TSKS: variants seen among roughly 807,000 people sequenced by gnomAD.
The protein encoded by TSKS is testis-specific serine kinase substrate.
TSKS carries 27 observed loss-of-function variants against 68.0 expected under a neutral mutation model. The observed-to-expected ratio is 0.40, with a 90% CI of 0.29 to 0.55. The LOEUF is 0.55. TSKS is among the 20% of genes least tolerant of loss of function. The probability of loss-of-function intolerance (pLI) is 0.53; values close to 1 mark genes in which losing one functional copy is unlikely to be tolerated. For missense variants in TSKS, 806 were observed against 776.0 expected, an observed-to-expected ratio of 1.04 and a Z score of -0.46; for synonymous variants, 331 against 340.4, an observed-to-expected ratio of 0.97 and a Z score of 0.30.
At chr19:49,742,121 A>C (rs2084257597) in intron 8 of TSKS, 101 bp from the exon 9 acceptor site, 6 of 1,383,726 alleles carry the variant, frequency 4.3e-6, no homozygotes, top group Non-Finnish European at 5.9e-6. Flanking sequence ...CCTCGTTTCC[A>C]GTATGCACCC....
Position 49,758,409 on chromosome 19 carries a change from G to A in TSKS, c.399+3595C>T, listed in dbSNP as rs545712538. On this transcript the variant is annotated intron_variant, in intron 2 of 10. Coordinates refer to ENST00000246801, the MANE Select transcript of TSKS (RefSeq NM_021733.2). ...CGACACTCCCCTGCAGCCCCACAGC[G>A]AGCTGGCAGCTGTGTCAGACCTTGA... Among the ~76,000 whole-genome samples the A allele has an allele frequency of 1.1e-4, 16 of 152,306 alleles. 1 individual carries two copies. In the South Asian group the frequency reaches 3.1e-3, roughly 30 times the overall value.
Position 49,740,128 on chromosome 19 carries a change from G to A in TSKS, c.1553C>T (p.Thr518Ile). The A allele has an allele frequency of 6.2e-7, 1 of 1,614,164 alleles. No individual in the cohort carries two copies. The highest frequency in any genetic ancestry group is 8.5e-7 in the Non-Finnish European group (1 of 1,180,032). ...GGCCTCGTCTTGGGCCAGCCGAAGG[G>A]TGGAGCTCAGGGCCTCTGCCCTGAC... ...KHVRAEALSS[T>I]LRLAQDEALR... Residue 518 changes from threonine to isoleucine, a missense_variant, in exon 10 of 11, where the codon ACC (threonine) becomes ATC (isoleucine). Transcript: ENST00000246801.
At chr19:49,742,328 G>C (rs916722437) in intron 8 of TSKS, among the ~76,000 whole-genome samples, 1 of 151,510 alleles carries the variant, frequency 6.6e-6, no homozygotes, top group African/African-American at 2.4e-5. Flanking sequence ...CTCCCAAGTA[G>C]TTGGGACTAC....
chr19:49,749,312 C>A (rs563938647), intron 2 of TSKS, among the ~76,000 whole-genome samples: 1 of 152,312 alleles, frequency 6.6e-6, no homozygotes, highest in Non-Finnish European at 1.5e-5. Flanking sequence ...AAGCACTCAG[C>A]ACATTAGGTG....
At chr19:49,742,167 G>A in intron 8 of TSKS, 147 bp from the exon 9 acceptor site, 1 of 851,352 alleles carries the variant, frequency 1.2e-6, no homozygotes, top group Non-Finnish European at 1.8e-6. Flanking sequence ...TGCACCAGCT[G>A]TCCCTTGGTT....
intron 9 of TSKS, among the ~76,000 whole-genome samples, chr19:49,740,915 A>T (rs2084246821): frequency 6.6e-6 from 1 of 150,686 alleles, no homozygotes; most frequent in Non-Finnish European, 1.5e-5. Flanking sequence ...GCAGTGGCTC[A>T]CGCCTGTAAT....
chr19:49,763,221 G>T lies in TSKS; in HGVS notation c.27C>A (p.Ile9=). ...CCTCATGGATCTCTTTGGACTGCCA[G>T]ATCGTCTTCACCACCACGCTCGCCA... is the stretch of plus-strand genomic sequence containing the variant. MASVVVKT[I]WQSKEIHEAG... Residue 9 remains isoleucine (I), a synonymous_variant, in exon 1 of 11, where the codon ATC becomes ATA. Coordinates refer to ENST00000246801, the MANE Select transcript of TSKS (RefSeq NM_021733.2). The surrounding 1 kb of genome is among the most constrained non-coding windows in gnomAD (Gnocchi z 4.5). 6.5e-7 allele frequency: 1 copy of T among 1,530,964 alleles called. No homozygotes were observed. The highest frequency in any genetic ancestry group is 8.8e-7 in the Non-Finnish European group (1 of 1,140,634). 94.8% of individuals were successfully genotyped at this position (1,530,964 alleles called of 1,614,324 possible). A position where few individuals can be genotyped will look rare whatever the true frequency, so the allele number is the denominator to read the frequency against.
chr19:49,756,184 T>A (rs2123624987), intron 2 of TSKS, among the ~76,000 whole-genome samples: 1 of 152,224 alleles, frequency 6.6e-6, no homozygotes, highest in East Asian at 1.9e-4. Context: ...AATCAACCAA[T>A]GACTGGGCAT....
rs964903312 is a variant in TSKS, at chr19:49,739,783, T to C, written c.1772A>G (p.Glu591Gly). 7.0e-7 allele frequency: 1 copy of C among 1,435,852 alleles called. No individual in the cohort carries two copies. 88.9% of individuals were successfully genotyped at this position (1,435,852 alleles called of 1,614,324 possible). A position where few individuals can be genotyped will look rare whatever the true frequency, so the allele number is the denominator to read the frequency against. Residue 591 changes from glutamate (E) to glycine (G), a missense_variant, in exon 11 of 11, where the codon GAA (glutamate) becomes GGA (glycine). Physicochemically the swap from Glu to Gly is moderately conservative, Grantham distance 98. Transcript: ENST00000246801. ...GCTAGCATGAGAGGCCATTTATTGT[T>C]CAGGGGCTGAGCCCCCCTGTTTTGG... The part of the protein sequence containing the change: ...TPPKQGGSAP[E>G]Q
At chr19:49,743,443 G>T (rs547817274) in intron 8 of TSKS, among the ~76,000 whole-genome samples, 48 of 151,002 alleles carry the variant, frequency 3.2e-4, no homozygotes, top group African/African-American at 1.2e-3. Flanking sequence ...GAGTGCAGTA[G>T]CGTGATCTCG....
Position 49,762,254 on chromosome 19 carries a change from A to C in TSKS, c.171-22T>G, listed in dbSNP as rs762483818. On this transcript the variant is annotated intron_variant, in intron 1 of 10. Transcript: ENST00000246801. ...CACCCTGCAGAGAAGAAACAGGCAGAAAAGTGGAGAAGCAGCCCCAGGGTG... is the reference window on the plus strand; with the variant it reads ...CACCCTGCAGAGAAGAAACAGGCAGCAAAGTGGAGAAGCAGCCCCAGGGTG... 6 of 1,601,538 alleles carry C rather than the reference A, an allele frequency of 3.7e-6. No individual in the cohort carries two copies. The South Asian group carries it at 5.6e-5, about 15-fold the overall frequency.
At chr19:49,747,739 C>T (rs181819888) in intron 4 of TSKS, among the ~76,000 whole-genome samples, 27 of 152,274 alleles carry the variant, frequency 1.8e-4, no homozygotes, top group Middle Eastern at 6.8e-3. Context: ...GACTGAGTCT[C>T]GCTCTGTCGG....
intron 2 of TSKS, among the ~76,000 whole-genome samples, chr19:49,760,352 G>C (rs141716311): frequency 6.6e-6 from 1 of 151,340 alleles, no homozygotes; most frequent in Non-Finnish European, 1.5e-5. Context: ...ACAGACTCTC[G>C]CTGTGTCGCC....
In TSKS at chr19:49,739,903, T is replaced by C; in HGVS notation, c.1652A>G (p.His551Arg). The change falls in exon 11 of 11, where the codon CAC becomes CGC. Residue 551 changes from histidine to arginine, a missense_variant. Transcript: ENST00000246801. The stretch of plus-strand genomic sequence containing the variant: ...ATCGTGGAGGGAGCACATCTTCAAG[T>C]GTAGATGGTCCAGAGTGGCCATCTT... Reference protein sequence around the residue: ...EEKMATLDHLHLKMCSLHDHL... With the variant: ...EEKMATLDHLRLKMCSLHDHL... The C allele has an allele frequency of 6.2e-7, 1 of 1,613,810 alleles. No individual in the cohort carries two copies. The highest frequency in any genetic ancestry group is 1.3e-5 in the African/African-American group (1 of 74,994).
chr19:49,746,899 A>G (rs1214716925), intron 5 of TSKS, 101 bp from the exon 6 acceptor site: 2 of 1,524,734 alleles, frequency 1.3e-6, no homozygotes, highest in Non-Finnish European at 8.8e-7. Context: ...GATTGGAAGT[A>G]GAACGCCTGT....
At chr19:49,742,403 G>A (rs957520842) in intron 8 of TSKS, among the ~76,000 whole-genome samples, 1 of 151,898 alleles carries the variant, frequency 6.6e-6, no homozygotes, top group Non-Finnish European at 1.5e-5. Context: ...TCACCATGTT[G>A]GCCAGGATGG....
chr19:49,752,504 C>A (rs2084359940), intron 2 of TSKS, among the ~76,000 whole-genome samples: 1 of 152,124 alleles, frequency 6.6e-6, no homozygotes, highest in East Asian at 1.9e-4. Flanking sequence ...GATGTTGGCA[C>A]CATGTTTATC....
chr19:49,745,607 T>G (rs2084291976), intron 6 of TSKS, among the ~76,000 whole-genome samples: 1 of 152,048 alleles, frequency 6.6e-6, no homozygotes, highest in Non-Finnish European at 1.5e-5. Context: ...ATCCCCTTCC[T>G]TTATTGGCTA....
chr19:49,752,507 T>C (rs1294666509), intron 2 of TSKS, among the ~76,000 whole-genome samples: 2 of 152,174 alleles, frequency 1.3e-5, no homozygotes, highest in African/African-American at 4.8e-5. Context: ...GTTGGCACCA[T>C]GTTTATCAGA....
Sources: gnomAD v4.1 joint callset for allele counts (sites outside exome capture counted in the v4.1 genomes callset) on GRCh38, gnomAD v4.1.1 for gene constraint, Gnocchi (gnomAD v3.1) non-coding constraint, MANE v1.5 for transcripts, NCBI Gene and HGNC (gene_info 2026-07-23, HGNC 2026-07-21) for gene names.